ARC: variants seen among roughly 807,000 people sequenced by gnomAD.
ARC encodes the protein activity-regulated cytoskeleton-associated protein.
A neutral mutation model predicts 20.0 loss-of-function variants in ARC; 10 were observed. The ratio of observed to expected loss-of-function variants is 0.50; its 90% CI spans 0.31 to 0.85. The LOEUF is 0.85. ARC is among the 40% of genes least tolerant of loss of function. The pLI, the probability that ARC is intolerant of heterozygous loss-of-function variation, is 0.05. For missense variants in ARC, 454 were observed against 555.5 expected (o/e 0.82, Z 1.84); for synonymous variants, 269 against 254.1 (o/e 1.06, Z -0.56).
chr8:142,613,520 T>C lies in ARC; in HGVS notation c.752A>G (p.Lys251Arg), dbSNP rs1846277558. ...GCCCTGCTTGAACTCCCACCACTTC[T>C]TGGCCGGCCCGTTCATGTGATTCTG... is the stretch of plus-strand genomic sequence containing the variant. Reference protein sequence around the residue: ...QIQNHMNGPAKKWWEFKQGSV... With the variant: ...QIQNHMNGPARKWWEFKQGSV... The change falls in exon 1 of 3, where the codon AAG (lysine) becomes AGG (arginine). Residue 251 changes from lysine to arginine, a missense_variant. Lys to Arg is a conservative substitution (Grantham distance 26). Coordinates refer to ENST00000356613, the MANE Select transcript of ARC (RefSeq NM_015193.5). 1 of 1,612,826 alleles carries C rather than the reference T, an allele frequency of 6.2e-7. No individual in the cohort carries two copies. The highest frequency in any genetic ancestry group is 8.5e-7 in the Non-Finnish European group (1 of 1,179,678).
chr8:142,612,403 G>A (rs1238598348), intron 1 of ARC, 81 bp downstream of exon 1: 1 of 152,340 alleles, frequency 6.6e-6, no homozygotes, highest in African/African-American at 2.4e-5. Flanking sequence ...AGCCTCAGTG[G>A]GCTCTCCTAG....
chr8:142,614,329 G>A lies in ARC; in HGVS notation c.-58C>T. On this transcript the variant is annotated 5_prime_UTR_variant, in exon 1 of 3. Coordinates refer to ENST00000356613, the MANE Select transcript of ARC (RefSeq NM_015193.5). ...CCTCGGGGCGGACAGAGGGTGGTCC[G>A]GCGCTGGGGTCCGGCGGCCTGGGTC... The A allele has an allele frequency of 7.7e-7, 1 of 1,297,168 alleles. No homozygotes were observed. The highest frequency in any genetic ancestry group is 9.8e-7 in the Non-Finnish European group (1 of 1,018,626). The allele number at this position is 1,297,168 out of a possible 1,614,324, so 80.4% of individuals were successfully genotyped here. A position where few individuals can be genotyped will look rare whatever the true frequency, so the allele number is the denominator to read the frequency against.
chr8:142,614,033 G>A lies in ARC; in HGVS notation c.239C>T (p.Pro80Leu). The A allele has an allele frequency of 6.2e-7, 1 of 1,608,148 alleles. No homozygotes were observed. The highest frequency in any genetic ancestry group is 8.5e-7 in the Non-Finnish European group (1 of 1,178,744). The change falls in exon 1 of 3, where the codon CCC becomes CTC. Residue 80 changes from proline (P) to leucine (L), a missense_variant. By Grantham distance (98) the Pro-to-Leu change is moderately conservative (BLOSUM62 -3). Transcript: ENST00000356613. ...CTTCCAGCGCTGCGAGTCGCTCGTG[G>A]GCACGTAGCCGTCCAGGTTGCTCTC... ...KLESNLDGYV[P>L]TSDSQRWKKS... is the part of the protein sequence containing the mutation.
Position 142,614,257 on chromosome 8 carries a change from G to T in ARC, c.15C>A (p.His5Gln). Residue 5 changes from histidine (H) to glutamine (Q), a missense_variant, in exon 1 of 3, where the codon CAC becomes CAA. His to Gln is a conservative substitution (Grantham distance 24, BLOSUM62 0). Around this residue, in one of 3 missense-constraint regions of ARC, gnomAD observed 265 missense variants for 301.7 expected, o/e 0.88. Transcript: ENST00000356613. MELD[H>Q]RTSGGLHAYP... ...AGGCGTGGAGCCCGCCGCTGGTCCG[G>T]TGGTCCAGCTCCATCTGTGCGCAGG... 6.8e-7 allele frequency: 1 copy of T among 1,477,582 alleles called. No individual in the cohort carries two copies. The highest frequency in any genetic ancestry group is 8.9e-7 in the Non-Finnish European group (1 of 1,118,444). The allele number at this position is 1,477,582 out of a possible 1,614,324, so 91.5% of individuals were successfully genotyped here.
Position 142,614,342 on chromosome 8 carries a change from G to A in ARC, c.-71C>T, listed in dbSNP as rs1846288438. The stretch of plus-strand genomic sequence containing the variant: ...AGAGGGTGGTCCGGCGCTGGGGTCC[G>A]GCGGCCTGGGTCCCGTGCGGAGCTG... On this transcript the variant is annotated 5_prime_UTR_variant, in exon 1 of 3. Transcript: ENST00000356613. The A allele has an allele frequency of 1.6e-6, 2 of 1,263,302 alleles. No homozygotes were observed. Among genetic ancestry groups the A allele is most frequent in the African/African-American group, 1.6e-5 (1 of 63,770 alleles). 78.3% of individuals were successfully genotyped at this position (1,263,302 alleles called of 1,614,324 possible).
At position 142,613,899 on chromosome 8, in the gene ARC, G is replaced by A. The variant is rs1266406700; in HGVS notation, c.373C>T (p.Arg125Cys). 6.3e-7 allele frequency: 1 copy of A among 1,587,124 alleles called. No homozygotes were observed. Reference sequence around the variant, plus strand: ...GTGGACTCCAGGCGGTCGGCCCAGCGCTCCAGGCGGTAGAACACCTCGCGC... The same window carrying A: ...GTGGACTCCAGGCGGTCGGCCCAGCACTCCAGGCGGTAGAACACCTCGCGC... Reference protein sequence around the residue: ...VWREVFYRLERWADRLESTGG... With the variant: ...VWREVFYRLECWADRLESTGG... Residue 125 changes from arginine to cysteine, a missense_variant, in exon 1 of 3, where the codon CGC becomes TGC. Arg to Cys is a radical substitution (Grantham distance 180). Transcript: ENST00000356613.
chr8:142,613,992 A>G lies in ARC; in HGVS notation c.280T>C (p.Cys94Arg), dbSNP rs1474056546. ...ATGGTCTCCTGGCAGCGGCACAGGC[A>G]GGCCTTGATGGACTTCTTCCAGCGC... The part of the protein sequence containing the change: ...SQRWKKSIKA[C>R]LCRCQETIAN... The change falls in exon 1 of 3, where the codon TGC becomes CGC. Residue 94 changes from cysteine to arginine, a missense_variant. Around this residue, in one of 3 missense-constraint regions of ARC, gnomAD observed 265 missense variants for 301.7 expected, o/e 0.88. Coordinates refer to ENST00000356613, the MANE Select transcript of ARC (RefSeq NM_015193.5). The G allele has an allele frequency of 6.2e-7, 1 of 1,609,244 alleles. No homozygotes were observed. The highest frequency in any genetic ancestry group is 8.5e-7 in the Non-Finnish European group (1 of 1,179,602).
rs1303926119 is a variant in ARC at position 142,611,548 on chromosome 8, C to G, written c.*1052G>C. The G allele has an allele frequency of 1.3e-5, 2 of 152,304 alleles. No individual in the cohort carries two copies. Among genetic ancestry groups the G allele is most frequent in the Non-Finnish European group, 2.9e-5 (2 of 68,088 alleles). The allele number at this position is 152,304 out of a possible 1,614,324, so 9.4% of individuals were successfully genotyped here. On this transcript the variant is annotated 3_prime_UTR_variant, in exon 3 of 3. Transcript: ENST00000356613. ...CCCCAGCCTTGGGGCTCATGAAAGC[C>G]TCTGGCAGAGAGGATGGCCTGGCAG... is the stretch of plus-strand genomic sequence containing the variant.
At position 142,614,469 on chromosome 8, in the gene ARC, C is replaced by A; in HGVS notation, c.-198G>T. 2.5e-6 allele frequency: 1 copy of A among 394,304 alleles called. No individual in the cohort carries two copies. The highest frequency in any genetic ancestry group is 4.3e-6 in the Non-Finnish European group (1 of 230,284). 24.4% of individuals were successfully genotyped at this position (394,304 alleles called of 1,614,324 possible). ...CTGCTGCGGAGGGAGGACGCCGCGC[C>A]CGAGCTCTGCGCTGAGTCCTGGCCG... is the stretch of plus-strand genomic sequence containing the variant. On this transcript the variant is annotated 5_prime_UTR_variant, in exon 1 of 3. Coordinates refer to ENST00000356613, the MANE Select transcript of ARC (RefSeq NM_015193.5).
chr8:142,614,331 C>T lies in ARC; in HGVS notation c.-60G>A. The T allele has an allele frequency of 1.9e-5, 25 of 1,291,386 alleles. No individual in the cohort carries two copies. The highest frequency in any genetic ancestry group is 2.4e-5 in the Non-Finnish European group (24 of 1,014,426). The allele number at this position is 1,291,386 out of a possible 1,614,324, so 80.0% of individuals were successfully genotyped here. A position where few individuals can be genotyped will look rare whatever the true frequency, so the allele number is the denominator to read the frequency against. On this transcript the variant is annotated 5_prime_UTR_variant, in exon 1 of 3. Transcript: ENST00000356613. ...TCGGGGCGGACAGAGGGTGGTCCGG[C>T]GCTGGGGTCCGGCGGCCTGGGTCCC...
chr8:142,613,777 G>A lies in ARC; in HGVS notation c.495C>T (p.Tyr165=), dbSNP rs769666928. The change falls in exon 1 of 3, where the codon TAC becomes TAT. Residue 165 remains tyrosine, a synonymous_variant. Coordinates refer to ENST00000356613, the MANE Select transcript of ARC (RefSeq NM_015193.5). The stretch of plus-strand genomic sequence containing the variant: ...TGGCGTAGGGGCTGACGGTGTAGTC[G>A]TAGCCGTCTGCCTCGTGGCAGTAGC... The part of the protein sequence containing the change: ...PESYCHEADG[Y]DYTVSPYAIT... 1 of 1,551,764 alleles carries A rather than the reference G, an allele frequency of 6.4e-7. No homozygotes were observed. Among genetic ancestry groups the A allele is most frequent in the South Asian group, 1.2e-5 (1 of 85,930 alleles).
rs1211900015 is a variant in ARC, at chr8:142,611,635, G to A, written c.*965C>T. On this transcript the variant is annotated 3_prime_UTR_variant, in exon 3 of 3. Coordinates refer to ENST00000356613, the MANE Select transcript of ARC (RefSeq NM_015193.5). ...CGACTCCTGCTGCAGTGGCTCTGGG[G>A]ACGGGCAGCTGGCGGCCAGCGGGGC... 10 of 152,510 alleles carry A rather than the reference G, an allele frequency of 6.6e-5. No individual in the cohort carries two copies. The East Asian group carries it at 1.7e-3, about 27-fold the overall frequency. 9.4% of individuals were successfully genotyped at this position (152,510 alleles called of 1,614,324 possible). A position where few individuals can be genotyped will look rare whatever the true frequency, so the allele number is the denominator to read the frequency against.
At position 142,613,118 on chromosome 8, in the gene ARC, C is replaced by T. The variant is rs1198142862; in HGVS notation, c.1154G>A (p.Ser385Asn). The change falls in exon 1 of 3, where the codon AGC becomes AAC. Residue 385 changes from serine (S) to asparagine (N), a missense_variant. Coordinates refer to ENST00000356613, the MANE Select transcript of ARC (RefSeq NM_015193.5). ...EAETLTPAPN[S>N]ESVASDRTQP... is the part of the protein sequence containing the mutation. The stretch of plus-strand genomic sequence containing the variant: ...GGTCCGGTCACTGGCCACGGACTCG[C>T]TGTTGGGGGCGGGCGTGAGGGTCTC... 1.3e-6 allele frequency: 2 copies of T among 1,572,882 alleles called. No individual in the cohort carries two copies. Among genetic ancestry groups the T allele is most frequent in the East Asian group, 2.3e-5 (1 of 44,248 alleles).
chr8:142,613,028 G>T lies in ARC; in HGVS notation c.*53C>A. The T allele has an allele frequency of 7.2e-7, 1 of 1,385,444 alleles. No individual in the cohort carries two copies. The highest frequency in any genetic ancestry group is 9.5e-7 in the Non-Finnish European group (1 of 1,049,304). The allele number at this position is 1,385,444 out of a possible 1,614,324, so 85.8% of individuals were successfully genotyped here. ...CAGCCCCAGCTCAAAAGTCCTGGTG[G>T]GCAAAGCCACAGGCTGGATGTAGTG... On this transcript the variant is annotated 3_prime_UTR_variant, in exon 1 of 3. Transcript: ENST00000356613.
At position 142,613,975 on chromosome 8, in the gene ARC, C is replaced by T. The variant is rs1448387123; in HGVS notation, c.297G>A (p.Gln99=). The T allele has an allele frequency of 1.2e-6, 2 of 1,608,874 alleles. No homozygotes were observed. Among genetic ancestry groups the T allele is most frequent in the Non-Finnish European group, 1.7e-6 (2 of 1,179,456 alleles). ...AGCGCTCCAGGTTGGCGATGGTCTCCTGGCAGCGGCACAGGCAGGCCTTGA... is the reference window on the plus strand; with the variant it reads ...AGCGCTCCAGGTTGGCGATGGTCTCTTGGCAGCGGCACAGGCAGGCCTTGA... ...KSIKACLCRC[Q]ETIANLERWV... is the part of the protein sequence containing the mutation. Residue 99 remains glutamine, a synonymous_variant, in exon 1 of 3, where the codon CAG becomes CAA. Transcript: ENST00000356613.
rs753876529 is a variant in ARC at position 142,613,179 on chromosome 8, G to C, written c.1093C>G (p.Pro365Ala). The change falls in exon 1 of 3, where the codon CCG (proline) becomes GCG (alanine). Residue 365 changes from proline (P) to alanine (A), a missense_variant. By Grantham distance (27) the Pro-to-Ala change is conservative. This residue lies in a region of ARC where 72 missense variants were observed against 59.4 expected (regional missense o/e 1.21). Transcript: ENST00000356613. ...TCCACCGGGAGGTGGGGGCCGGCCGGCTCGGCCGCCTGCTCCAGGTCATCC... is the reference window on the plus strand; with the variant it reads ...TCCACCGGGAGGTGGGGGCCGGCCGCCTCGGCCGCCTGCTCCAGGTCATCC... The part of the protein sequence containing the change: ...VQDDLEQAAE[P>A]AGPHLPVEDE... 1 of 1,609,716 alleles carries C rather than the reference G, an allele frequency of 6.2e-7. No individual in the cohort carries two copies. Among genetic ancestry groups the C allele is most frequent in the Non-Finnish European group, 8.5e-7 (1 of 1,178,604 alleles).
rs1330013996 is a variant in ARC, at chr8:142,611,431, A to G, written c.*1169T>C. ...CAGGGTTCTGGTGTCGGGGCAGGGCAGAATGCCTGGAAGCGCCCCAGGAGC... is the reference window on the plus strand; with the variant it reads ...CAGGGTTCTGGTGTCGGGGCAGGGCGGAATGCCTGGAAGCGCCCCAGGAGC... On this transcript the variant is annotated 3_prime_UTR_variant, in exon 3 of 3. Coordinates refer to ENST00000356613, the MANE Select transcript of ARC (RefSeq NM_015193.5). The G allele has an allele frequency of 1.3e-5, 2 of 152,388 alleles. No individual in the cohort carries two copies. The highest frequency in any genetic ancestry group is 4.8e-5 in the African/African-American group (2 of 41,470). The allele number at this position is 152,388 out of a possible 1,614,324, so 9.4% of individuals were successfully genotyped here.
In ARC at chr8:142,613,128, C is replaced by G. The variant is rs766434970; in HGVS notation, c.1144G>C (p.Ala382Pro). 2 of 1,581,792 alleles carry G rather than the reference C, an allele frequency of 1.3e-6. No individual in the cohort carries two copies. The highest frequency in any genetic ancestry group is 2.3e-5 in the South Asian group (2 of 87,586). The change falls in exon 1 of 3, where the codon GCC (alanine) becomes CCC (proline). Residue 382 changes from alanine to proline, a missense_variant. By Grantham distance (27) the Ala-to-Pro change is conservative. Transcript: ENST00000356613. ...CTGGCCACGGACTCGCTGTTGGGGGCGGGCGTGAGGGTCTCCGCCTCATCC... is the reference window on the plus strand; with the variant it reads ...CTGGCCACGGACTCGCTGTTGGGGGGGGGCGTGAGGGTCTCCGCCTCATCC... ...VEDEAETLTP[A>P]PNSESVASDR...
chr8:142,613,849 G>C lies in ARC; in HGVS notation c.423C>G (p.Ser141Arg). 6.5e-7 allele frequency: 1 copy of C among 1,541,860 alleles called. No homozygotes were observed. The highest frequency in any genetic ancestry group is 8.7e-7 in the Non-Finnish European group (1 of 1,149,254). Residue 141 changes from serine to arginine, a missense_variant, in exon 1 of 3, where the codon AGC becomes AGG. By Grantham distance (110) the Ser-to-Arg change is moderately radical. This residue lies in a region of ARC where 265 missense variants were observed against 301.7 expected (regional missense o/e 0.88). Transcript: ENST00000356613. ...ESTGGKYPVG[S>R]ESARHTVSVG... ...CGGAAACGGTGTGGCGGGCTGACTC[G>C]CTGCCCACCGGGTACTTGCCGCCCG...
Sources: gnomAD v4.1 joint callset for allele counts on GRCh38, gnomAD v4.1.1 for gene constraint, gnomAD v4.1.1 regional missense constraint, MANE v1.5 for transcripts, NCBI Gene and HGNC (gene_info 2026-07-23, HGNC 2026-07-21) for gene names.